Variants in UBE2E2 observed in about 807,000 individuals in gnomAD.
UBE2E2 encodes the protein ubiquitin conjugating enzyme E2 E2, also known as ubiquitin-conjugating enzyme E2 E2.
UBE2E2 carries 6 observed loss-of-function variants against 24.7 expected under a neutral mutation model. The ratio of observed to expected loss-of-function variants is 0.24; its 90% CI spans 0.13 to 0.48. UBE2E2 has a LOEUF of 0.48. UBE2E2 is among the 20% of genes least tolerant of loss of function. The pLI is 0.99. For synonymous variants in UBE2E2, 104 were observed against 83.6 expected (o/e 1.24, Z -1.33); for missense variants, 169 against 245.0 (o/e 0.69, Z 2.07).
At chr3:23,291,834 C>A (rs1157748640) in intron 3 of UBE2E2, among the ~76,000 whole-genome samples, 1 of 144,604 alleles carries the variant, frequency 6.9e-6, no homozygotes, top group Non-Finnish European at 1.5e-5. Flanking sequence ...AGATGTGTGC[C>A]ACCATGCCCG....
intron 3 of UBE2E2, among the ~76,000 whole-genome samples, chr3:23,476,428 TTC>T (rs1447323775): frequency 1.3e-5 from 2 of 152,084 alleles, no homozygotes; most frequent in African/African-American, 2.4e-5. Flanking sequence ...GGTGCAGTGG[TTC>T]ATGCCTGTGA....
chr3:23,565,901 G>A (rs774012071), intron 5 of UBE2E2, among the ~76,000 whole-genome samples: 2 of 152,068 alleles, frequency 1.3e-5, no homozygotes, highest in Admixed American at 6.6e-5. Flanking sequence ...TCTTCTTTCT[G>A]AGATTGGTCT....
Position 23,306,930 on chromosome 3 carries a change from A to G in UBE2E2, c.227+89618A>G, listed in dbSNP as rs188559075. 2.0e-5 allele frequency among the ~76,000 whole-genome samples: 3 copies of G among 152,322 alleles called. No individual in the cohort carries two copies. The East Asian group carries it at 5.8e-4, about 29-fold the overall frequency. On this transcript the variant is annotated intron_variant, in intron 3 of 5. Coordinates refer to ENST00000396703, the MANE Select transcript of UBE2E2 (RefSeq NM_152653.4). ...CATTAATTCAGCAAGAGATTAAGCAAATCTCAACTGATGACTTAAGGAAAA... is the reference window on the plus strand; with the variant it reads ...CATTAATTCAGCAAGAGATTAAGCAGATCTCAACTGATGACTTAAGGAAAA...
rs533494915 is a variant in UBE2E2, at chr3:23,217,818, T to G, written c.227+506T>G. On this transcript the variant is annotated intron_variant, in intron 3 of 5. Transcript: ENST00000396703. ...GGCAATGATGTTAAATGTAAAACTCTCTCTCCCTTTATGATCATGACCTCG... is the reference window on the plus strand; with the variant it reads ...GGCAATGATGTTAAATGTAAAACTCGCTCTCCCTTTATGATCATGACCTCG... Among the ~76,000 whole-genome samples the G allele has an allele frequency of 3.3e-5, 5 of 152,240 alleles. No individual in the cohort carries two copies. The South Asian group carries it at 1.0e-3, about 32-fold the overall frequency.
rs542764309 is a variant in UBE2E2, at chr3:23,285,769, C to G, written c.227+68457C>G. 9.2e-5 allele frequency among the ~76,000 whole-genome samples: 14 copies of G among 152,292 alleles called. No individual in the cohort carries two copies. In the South Asian group the frequency reaches 2.1e-3, roughly 23 times the overall value. ...CCAGGCAGGTGTGCAGTGGCTCTCA[C>G]TGCAACCTCTGCCTTTTGGGTTCAA... is the stretch of plus-strand genomic sequence containing the variant. On this transcript the variant is annotated intron_variant, in intron 3 of 5. Transcript: ENST00000396703.
intron 4 of UBE2E2, among the ~76,000 whole-genome samples, chr3:23,508,579 G>A (rs919951017): frequency 2.6e-5 from 4 of 152,240 alleles, no homozygotes; most frequent in South Asian, 2.1e-4. Flanking sequence ...CCAACTGTAC[G>A]TTTGCACAAG....
At chr3:23,363,904 T>C (rs1696192444) in intron 3 of UBE2E2, among the ~76,000 whole-genome samples, 1 of 151,328 alleles carries the variant, frequency 6.6e-6, no homozygotes, top group African/African-American at 2.4e-5. Context: ...CATAAGACGA[T>C]TCTCAGCAAC....
chr3:23,347,176 C>T (rs945470133), intron 3 of UBE2E2, among the ~76,000 whole-genome samples: 2 of 152,192 alleles, frequency 1.3e-5, no homozygotes, highest in South Asian at 4.1e-4. Flanking sequence ...ACTAGAAATA[C>T]ATTTGACCCA....
At position 23,396,404 on chromosome 3, in the gene UBE2E2, A is replaced by T. The variant is rs1697079192; in HGVS notation, c.228-103204A>T. ...ATATATGTATGTATATGTGTATAGT[A>T]TATATACGTGTACATACACTGTATA... On this transcript the variant is annotated intron_variant, in intron 3 of 5. Transcript: ENST00000396703. Among the ~76,000 whole-genome samples, 3 of 150,012 alleles carry T rather than the reference A, an allele frequency of 2.0e-5. No homozygotes were observed. The South Asian group carries it at 6.3e-4, about 31-fold the overall frequency.
intron 3 of UBE2E2, among the ~76,000 whole-genome samples, chr3:23,488,631 C>T (rs1423016941): frequency 1.3e-5 from 2 of 152,142 alleles, no homozygotes; most frequent in Non-Finnish European, 2.9e-5. Flanking sequence ...TGAGTGGTAA[C>T]ATTTTTGAGA....
intron 3 of UBE2E2, among the ~76,000 whole-genome samples, chr3:23,330,501 C>A (rs1695031966): frequency 6.6e-6 from 1 of 152,134 alleles, no homozygotes; most frequent in Non-Finnish European, 1.5e-5. Flanking sequence ...AGATTAGAAT[C>A]CTGTGGTCCA....
chr3:23,441,558 T>C (rs1429155806), intron 3 of UBE2E2, among the ~76,000 whole-genome samples: 1 of 101,140 alleles, frequency 9.9e-6, no homozygotes, highest in East Asian at 3.7e-4. Flanking sequence ...AAAAAAAGAA[T>C]TGGGTAAGGA....
intron 4 of UBE2E2, among the ~76,000 whole-genome samples, chr3:23,522,835 T>G (rs1575683725): frequency 6.6e-6 from 1 of 152,058 alleles, no homozygotes; most frequent in Non-Finnish European, 1.5e-5. Context: ...CTGAGGCCCA[T>G]GAAGATGCAA....
At chr3:23,285,676 T>C (rs561378044) in intron 3 of UBE2E2, among the ~76,000 whole-genome samples, 1 of 152,332 alleles carries the variant, frequency 6.6e-6, no homozygotes, top group East Asian at 1.9e-4. Context: ...ATGTCTTCTT[T>C]TGAGAGACAT....
intron 3 of UBE2E2, among the ~76,000 whole-genome samples, chr3:23,383,031 T>A (rs1296861018): frequency 1.3e-5 from 2 of 152,166 alleles, no homozygotes; most frequent in Admixed American, 6.5e-5. Context: ...AAGAGTAACA[T>A]TTTCCAGTTG....
At chr3:23,518,717 C>G (rs1207017743) in intron 4 of UBE2E2, among the ~76,000 whole-genome samples, 1 of 152,180 alleles carries the variant, frequency 6.6e-6, no homozygotes, top group African/African-American at 2.4e-5. Flanking sequence ...TGCTGTGTGC[C>G]TGCAGTGCCT....
In UBE2E2 at chr3:23,253,135, G is replaced by A. The variant is rs9845667; in HGVS notation, c.227+35823G>A. On this transcript the variant is annotated intron_variant, in intron 3 of 5. Transcript: ENST00000396703. Reference sequence around the variant, plus strand: ...AAACTAGGAGAAAACAGATTTGGAGGCTGACTTCTAGAAATGTTAGAAGAA... The same window carrying A: ...AAACTAGGAGAAAACAGATTTGGAGACTGACTTCTAGAAATGTTAGAAGAA... Among the ~76,000 whole-genome samples, 209 of 152,230 alleles carry A rather than the reference G, an allele frequency of 1.4e-3. 1 individual carries two copies. Among genetic ancestry groups the A allele is most frequent in the Middle Eastern group, 0.01 (3 of 294 alleles).
Position 23,583,598 on chromosome 3 carries a change from C to T in UBE2E2, c.509-6136C>T, listed in dbSNP as rs1023592021. ...CATTTGTTTGTGTCACCTCTGATTT[C>T]TTTGAGCAGTGATTTGTAATTCTCA... is the stretch of plus-strand genomic sequence containing the variant. On this transcript the variant is annotated intron_variant, in intron 5 of 5. Coordinates refer to ENST00000396703, the MANE Select transcript of UBE2E2 (RefSeq NM_152653.4). This position sits in a 1 kb window ranked among gnomAD's most constrained non-coding sequence, Gnocchi z 4.1. Among the ~76,000 whole-genome samples the T allele has an allele frequency of 1.3e-5, 2 of 152,120 alleles. No homozygotes were observed. Among genetic ancestry groups the T allele is most frequent in the African/African-American group, 4.8e-5 (2 of 41,436 alleles).
chr3:23,535,240 G>C (rs1044881192), intron 5 of UBE2E2, among the ~76,000 whole-genome samples: 1 of 152,168 alleles, frequency 6.6e-6, no homozygotes, highest in Admixed American at 6.5e-5. Flanking sequence ...GTTAAAATGA[G>C]ATGGTATATG....
Sources: gnomAD v4.1 joint callset for allele counts (sites outside exome capture counted in the v4.1 genomes callset) on GRCh38, gnomAD v4.1.1 for gene constraint, Gnocchi (gnomAD v3.1) non-coding constraint, MANE v1.5 for transcripts, NCBI Gene and HGNC (gene_info 2026-07-23, HGNC 2026-07-21) for gene names.